The following PGS1 variants were observed in gnomAD, a reference collection of about 807,000 sequenced individuals.
PGS1 encodes the protein phosphatidylglycerophosphate synthase 1.
A neutral mutation model predicts 58.3 loss-of-function variants in PGS1; 44 were observed. The observed-to-expected ratio is 0.75, with a 90% confidence interval of 0.59 to 0.97. The LOEUF is 0.97. PGS1 is among the 50% of genes least tolerant of loss of function. The probability of loss-of-function intolerance (pLI) is 0.00; values close to 1 mark genes in which losing one functional copy is unlikely to be tolerated. For synonymous variants in PGS1, 330 were observed against 311.0 expected (o/e 1.06, Z -0.64); for missense variants, 684 against 731.1 (o/e 0.94, Z 0.74).
chr17:78,415,692 C>A (rs549646280), intron 8 of PGS1, among the ~76,000 whole-genome samples: 13 of 152,194 alleles, frequency 8.5e-5, no homozygotes, highest in African/African-American at 2.7e-4. Context: ...AGCCCATTTT[C>A]TCTTTGAGGG....
intron 2 of PGS1, among the ~76,000 whole-genome samples, chr17:78,394,511 A>C (rs571476200): frequency 2.0e-5 from 3 of 150,928 alleles, no homozygotes. Flanking sequence ...TTTGCTCCTA[A>C]TTGATTTTCT....
At chr17:78,411,597 G>A (rs549859802) in intron 7 of PGS1, among the ~76,000 whole-genome samples, 149 of 152,304 alleles carry the variant, frequency 9.8e-4, no homozygotes, top group African/African-American at 3.4e-3. Flanking sequence ...CACTTGGTCC[G>A]CAGAGGGCTG....
chr17:78,397,345 GT>G (rs1251772868), intron 3 of PGS1, among the ~76,000 whole-genome samples: 4 of 152,250 alleles, frequency 2.6e-5, no homozygotes, highest in Non-Finnish European at 5.9e-5. Flanking sequence ...CTTGTTCAGA[GT>G]TACTGGTGGG....
rs115748511 is a variant in PGS1, at chr17:78,418,313, C to G, written c.1552-1233C>G. ...AAAAATTAAGAAAAACGGAAAGAAA[C>G]TAACCCTTTCTGTAGGGAAAACCAC... is the stretch of plus-strand genomic sequence containing the variant. On this transcript the variant is annotated intron_variant, in intron 8 of 9. Transcript: ENST00000262764. Among the ~76,000 whole-genome samples the G allele has an allele frequency of 4.8e-3, 726 of 152,290 alleles. 11 individuals are homozygous for G. The highest frequency in any genetic ancestry group is 0.017 in the African/African-American group (700 of 41,560).
intron 3 of PGS1, among the ~76,000 whole-genome samples, chr17:78,397,686 T>C (rs978043110): frequency 2.8e-4 from 42 of 152,098 alleles, no homozygotes; most frequent in African/African-American, 9.7e-4. Context: ...GTGCCCACCT[T>C]GGCCTCCCAA....
At chr17:78,423,119 AT>A (rs200511094) in intron 9 of PGS1, among the ~76,000 whole-genome samples, 23,189 of 149,826 alleles carry the variant, frequency 0.15, 1,894 homozygotes, top group Middle Eastern at 0.19. Context: ...AAAAAAAAAA[AT>A]GTTGATCCTG....
At chr17:78,419,870 C>T (rs897780736) in intron 9 of PGS1, 195 bp downstream of exon 9, 1 of 1,332,456 alleles carries the variant, frequency 7.5e-7, no homozygotes, top group African/African-American at 1.5e-5. Flanking sequence ...GCAGTCTGTT[C>T]ACTTTCCATC....
chr17:78,395,555 T>C lies in PGS1; in HGVS notation c.334-753T>C, dbSNP rs529652735. 5.9e-5 allele frequency among the ~76,000 whole-genome samples: 9 copies of C among 152,292 alleles called. No homozygotes were observed. In the South Asian group the frequency reaches 1.9e-3, roughly 32 times the overall value. On this transcript the variant is annotated intron_variant, in intron 2 of 9. Transcript: ENST00000262764. Reference sequence around the variant, plus strand: ...GACCTATGGTAGCACTGCCATTCTTTGTACCCCTGCCTCCTTCTCTGGGGT... The same window carrying C: ...GACCTATGGTAGCACTGCCATTCTTCGTACCCCTGCCTCCTTCTCTGGGGT...
In PGS1 at chr17:78,400,166, C is replaced by T; in HGVS notation, c.702-511C>T. 5.7e-6 allele frequency: 1 copy of T among 176,832 alleles called. No individual in the cohort carries two copies. The highest frequency in any genetic ancestry group is 1.2e-5 in the Non-Finnish European group (1 of 83,236). The allele number at this position is 176,832 out of a possible 1,614,324, so 11.0% of individuals were successfully genotyped here. ...TTGGGAGGCTGAGGCAGAGGGATCA[C>T]CTGACGTTAGAAGTTCAAGACCAGC... On this transcript the variant is annotated intron_variant, in intron 5 of 9. Coordinates refer to ENST00000262764, the MANE Select transcript of PGS1 (RefSeq NM_024419.5). The surrounding 1 kb of genome is among the most constrained non-coding windows in gnomAD (Gnocchi z 4.4).
chr17:78,404,193 C>A, intron 7 of PGS1, 104 bp downstream of exon 7: 1 of 1,232,190 alleles, frequency 8.1e-7, no homozygotes, highest in South Asian at 1.6e-5. Flanking sequence ...TGTACTTCTC[C>A]CTTCCTACCT....
At chr17:78,414,423 G>C (rs946302940) in intron 7 of PGS1, among the ~76,000 whole-genome samples, 1 of 152,348 alleles carries the variant, frequency 6.6e-6, no homozygotes, top group South Asian at 2.1e-4. Flanking sequence ...GGGATGGCCA[G>C]TGCAGGCTCT....
intron 1 of PGS1, among the ~76,000 whole-genome samples, chr17:78,388,957 T>G (rs1038218058): frequency 6.6e-6 from 1 of 151,036 alleles, no homozygotes; most frequent in Non-Finnish European, 1.5e-5. Flanking sequence ...GTATGTCATA[T>G]GTGCTTACAT....
chr17:78,395,778 GC>G (rs1403581992), intron 2 of PGS1, among the ~76,000 whole-genome samples: 18 of 152,206 alleles, frequency 1.2e-4, no homozygotes, highest in Non-Finnish European at 2.2e-4. Context: ...TTGCTCTGTT[GC>G]CCAGGCTGGA....
chr17:78,408,112 G>A (rs75827141), intron 7 of PGS1, among the ~76,000 whole-genome samples: 2 of 45,318 alleles, frequency 4.4e-5, no homozygotes, highest in Non-Finnish European at 1.1e-4. Context: ...CTATCAATCA[G>A]TCAATCAGTC....
At chr17:78,380,702 T>C (rs2081976764) in intron 1 of PGS1, among the ~76,000 whole-genome samples, 1 of 152,234 alleles carries the variant, frequency 6.6e-6, no homozygotes, top group Non-Finnish European at 1.5e-5. Context: ...CTTTGTCATT[T>C]CCCTCTATAT....
rs2083598059 is a variant in PGS1, at chr17:78,400,822, C to T, written c.847C>T (p.Gln283Ter). ...SLQLQGDDTV[Q>*]VVDGMVHPYK... The stretch of plus-strand genomic sequence containing the variant: ...GCAGCTGCAGGGGGACGACACGGTG[C>T]AGGTGGTGGATGGGATGGTGCATCC... Residue 283 changes from glutamine to a stop codon, truncating the protein, a stop_gained, in exon 6 of 10, where the codon CAG becomes TAG. Coordinates refer to ENST00000262764, the MANE Select transcript of PGS1 (RefSeq NM_024419.5). LOFTEE classifies it high-confidence loss of function. The surrounding 1 kb of genome is among the most constrained non-coding windows in gnomAD (Gnocchi z 4.4). 1 of 1,611,632 alleles carries T rather than the reference C, an allele frequency of 6.2e-7. No individual in the cohort carries two copies. Among genetic ancestry groups the T allele is most frequent in the Non-Finnish European group, 8.5e-7 (1 of 1,178,602 alleles).
At chr17:78,423,951 T>G (rs113538058) in intron 9 of PGS1, 110 bp from the exon 10 acceptor site, 45 of 1,614,052 alleles carry the variant, frequency 2.8e-5, no homozygotes, top group Admixed American at 2.2e-4. Flanking sequence ...TCCACTTCGC[T>G]GCCTTCTCTT....
intron 9 of PGS1, chr17:78,421,893 A>C (rs1477770269): frequency 6.9e-6 from 1 of 144,276 alleles, no homozygotes; most frequent in Admixed American, 6.9e-5. Flanking sequence ...GGAGCAACAG[A>C]GAGCAGCGGG....
chr17:78,379,221 A>C (rs887239378), intron 1 of PGS1, among the ~76,000 whole-genome samples: 2 of 152,224 alleles, frequency 1.3e-5, no homozygotes, highest in African/African-American at 4.8e-5. Flanking sequence ...CGGAGAGTTC[A>C]GAGGGGTCTT....
Sources: gnomAD v4.1 joint callset for allele counts (sites outside exome capture counted in the v4.1 genomes callset) on GRCh38, gnomAD v4.1.1 for gene constraint, Gnocchi (gnomAD v3.1) non-coding constraint, MANE v1.5 for transcripts, NCBI Gene and HGNC (gene_info 2026-07-23, HGNC 2026-07-21) for gene names.